Variants in GLYATL1 observed in about 807,000 individuals in gnomAD.
The protein encoded by GLYATL1 is glycine-N-acyltransferase like 1.
Under a neutral mutation model 20.0 loss-of-function variants are expected in GLYATL1, and 15 were observed. That is an observed-to-expected ratio of 0.75 (90% CI 0.50 to 1.15). The LOEUF (loss-of-function observed/expected upper bound fraction) is 1.15. GLYATL1 is among the 50% of genes most tolerant of loss of function. The probability of loss-of-function intolerance (pLI) is 0.00; values close to 1 mark genes in which losing one functional copy is unlikely to be tolerated. For synonymous variants in GLYATL1, 151 were observed against 131.5 expected (o/e 1.15, Z -1.01); for missense variants, 380 against 368.5 (o/e 1.03, Z -0.26).
intron 4 of GLYATL1, among the ~76,000 whole-genome samples, chr11:58,953,212 TA>T (rs1857121041): frequency 6.6e-6 from 1 of 152,192 alleles, no homozygotes; most frequent in Admixed American, 6.5e-5. Context: ...TATTTTCTAT[TA>T]GTTTGTTCAG....
downstream of GLYATL1, among the ~76,000 whole-genome samples, chr11:58,909,316 C>G (rs960497409): frequency 6.6e-6 from 1 of 152,128 alleles, no homozygotes; most frequent in African/African-American, 2.4e-5. Context: ...AAGATCTGTA[C>G]AGCATGGTGC....
chr11:58,921,985 A>G (rs1855319510), intron 1 of GLYATL1, among the ~76,000 whole-genome samples: 2 of 152,226 alleles, frequency 1.3e-5, no homozygotes, highest in Non-Finnish European at 2.9e-5. Context: ...TCATCTGCAC[A>G]TAGTAGCAGC....
At chr11:58,925,620 T>C (rs1855409626), upstream of GLYATL1, among the ~76,000 whole-genome samples, 1 of 152,170 alleles carries the variant, frequency 6.6e-6, no homozygotes, top group Non-Finnish European at 1.5e-5. Flanking sequence ...ATGCACACAT[T>C]CTTTCTCATG....
At chr11:58,920,209 C>G (rs1176243462) in intron 1 of GLYATL1, among the ~76,000 whole-genome samples, 3 of 152,128 alleles carry the variant, frequency 2.0e-5, no homozygotes, top group Admixed American at 1.3e-4. Context: ...CGGGCCCATA[C>G]AGTGTCTAAG....
chr11:58,948,524 T>C (rs1282841887), intron 4 of GLYATL1, among the ~76,000 whole-genome samples: 1 of 152,062 alleles, frequency 6.6e-6, no homozygotes, highest in Admixed American at 6.6e-5. Context: ...TTTATACTCC[T>C]AGCTACTCAG....
intron 1 of GLYATL1, among the ~76,000 whole-genome samples, chr11:58,917,781 A>T (rs1271192920): frequency 1.3e-5 from 2 of 152,178 alleles, no homozygotes; most frequent in Non-Finnish European, 2.9e-5. Context: ...GGGGAAAGGA[A>T]AATTTGTTTT....
chr11:58,924,181 G>A (rs1855371382), upstream of GLYATL1, among the ~76,000 whole-genome samples: 1 of 152,210 alleles, frequency 6.6e-6, no homozygotes, highest in South Asian at 2.1e-4. Context: ...ATTAACAACA[G>A]AAGCTTTGAA....
chr11:58,943,648 G>T lies in GLYATL1; in HGVS notation c.-61G>T. 1 of 1,613,528 alleles carries T rather than the reference G, an allele frequency of 6.2e-7. No individual in the cohort carries two copies. The highest frequency in any genetic ancestry group is 8.5e-7 in the Non-Finnish European group (1 of 1,179,574). ...TCCAATTGTGTCCATTGATCTCTCA[G>T]AGTGGCTGAGGATAATAGGTAAGCT... is the stretch of plus-strand genomic sequence containing the variant. On this transcript the variant is annotated 5_prime_UTR_variant, in exon 2 of 7. The change creates a premature stop within an existing upstream ORF in the 5' untranslated region. Transcript: ENST00000532726.
downstream of GLYATL1, among the ~76,000 whole-genome samples, chr11:58,909,051 T>C (rs1854977001): frequency 6.6e-6 from 1 of 152,206 alleles, no homozygotes; most frequent in African/African-American, 2.4e-5. Context: ...ACCCACACTA[T>C]TTTGTTCAAA....
At chr11:58,907,311 G>C (rs1018419976) in exon 2 of GLYATL1, 8 of 456,102 alleles carry the variant, frequency 1.8e-5, no homozygotes, top group African/African-American at 1.6e-4. Flanking sequence ...CTGAAATCTG[G>C]ACTTCCAATT....
At chr11:58,951,882 G>A (rs950489114) in intron 4 of GLYATL1, among the ~76,000 whole-genome samples, 1 of 152,032 alleles carries the variant, frequency 6.6e-6, no homozygotes, top group Non-Finnish European at 1.5e-5. Context: ...TCCTGTTTGT[G>A]TGGGGCATTA....
At chr11:58,925,293 G>C (rs1010334643), upstream of GLYATL1, among the ~76,000 whole-genome samples, 9 of 152,116 alleles carry the variant, frequency 5.9e-5, no homozygotes, top group African/African-American at 2.2e-4. Context: ...TTTACATATA[G>C]AATTTTTTAC....
intron 1 of GLYATL1, among the ~76,000 whole-genome samples, chr11:58,922,383 G>A (rs1855330211): frequency 6.6e-6 from 1 of 152,158 alleles, no homozygotes; most frequent in East Asian, 1.9e-4. Flanking sequence ...CAAAAAAACT[G>A]GTAAATGAAG....
chr11:58,955,182 A>G lies in GLYATL1; in HGVS notation c.320A>G (p.Gln107Arg), dbSNP rs1325146650. ...TTCTTGGCTTTCTTCCCAGGTCTTC[A>G]AGAAAGTTTAGGTGAGGGGATAAGA... ...WKQRLQIQGLQESLGEGIRVA... is the reference protein window; with the variant it reads ...WKQRLQIQGLRESLGEGIRVA... Residue 107 changes from glutamine (Q) to arginine (R), a missense_variant, in exon 6 of 7, where the codon CAA (glutamine) becomes CGA (arginine). Transcript: ENST00000532726. 6.2e-7 allele frequency: 1 copy of G among 1,612,624 alleles called. No individual in the cohort carries two copies. The highest frequency in any genetic ancestry group is 1.1e-5 in the South Asian group (1 of 90,682).
chr11:58,945,135 C>T (rs1856474089), intron 2 of GLYATL1, among the ~76,000 whole-genome samples: 2 of 151,158 alleles, frequency 1.3e-5, no homozygotes, highest in Non-Finnish European at 2.9e-5. Context: ...TTTAGGATGA[C>T]AAAAAGGCTC....
intron 1 of GLYATL1, among the ~76,000 whole-genome samples, chr11:58,930,414 A>G (rs925068595): frequency 6.6e-6 from 1 of 152,218 alleles, no homozygotes; most frequent in Non-Finnish European, 1.5e-5. Flanking sequence ...AAAAGATAAT[A>G]TTTGAGGATT....
At chr11:58,942,353 A>C (rs1856219354) in intron 1 of GLYATL1, among the ~76,000 whole-genome samples, 1 of 152,192 alleles carries the variant, frequency 6.6e-6, no homozygotes, top group Non-Finnish European at 1.5e-5. Flanking sequence ...CCTCTTTAGA[A>C]ACATCCTTGA....
At chr11:58,911,575 G>A (rs1446573426), downstream of GLYATL1, among the ~76,000 whole-genome samples, 2 of 152,078 alleles carry the variant, frequency 1.3e-5, no homozygotes, top group Non-Finnish European at 2.9e-5. Flanking sequence ...AATAATTTGA[G>A]CATCTTTTTA....
chr11:58,933,047 G>A (rs1855671971), intron 1 of GLYATL1, among the ~76,000 whole-genome samples: 1 of 152,182 alleles, frequency 6.6e-6, no homozygotes, highest in East Asian at 1.9e-4. Flanking sequence ...GGAAGAACCT[G>A]AGAAGTATTC....
Sources: gnomAD v4.1 joint callset for allele counts (sites outside exome capture counted in the v4.1 genomes callset) on GRCh38, gnomAD v4.1.1 for gene constraint, MANE v1.5 for transcripts, NCBI Gene and HGNC (gene_info 2026-07-23, HGNC 2026-07-21) for gene names.